The following CALN1 variants were observed in gnomAD, a reference collection of about 807,000 sequenced individuals.
The protein encoded by CALN1 is calneuron 1.
Under a neutral mutation model 30.6 loss-of-function variants are expected in CALN1, and 17 were observed. That is an observed-to-expected ratio of 0.56 (90% confidence interval 0.38 to 0.83). The LOEUF (loss-of-function observed/expected upper bound fraction) is 0.83. Ranked by LOEUF, CALN1 falls within the 40% of genes least tolerant of loss-of-function variation. The probability of loss-of-function intolerance (pLI) is 0.00; values close to 1 mark genes in which losing one functional copy is unlikely to be tolerated. For missense variants in CALN1, 291 were observed against 354.9 expected (o/e 0.82, Z 1.45); for synonymous variants, 156 against 131.4 (o/e 1.19, Z -1.28).
Position 72,396,096 on chromosome 7 carries a change from C to T in CALN1, c.119+7155G>A, listed in dbSNP as rs551652839. Among the ~76,000 whole-genome samples the T allele has an allele frequency of 3.3e-5, 5 of 151,338 alleles. No individual in the cohort carries two copies. The South Asian group carries it at 8.4e-4, about 25-fold the overall frequency. ...GGAGCAGAGGCTACATTACATGAGG[C>T]GAGATTAAGAAGGAAGTCAGGCCGG... On this transcript the variant is annotated intron_variant, in intron 2 of 6. Coordinates refer to ENST00000395275, the MANE Select transcript of CALN1 (RefSeq NM_031468.4).
intron 5 of CALN1, among the ~76,000 whole-genome samples, chr7:72,022,892 A>C (rs1266704574): frequency 6.7e-6 from 1 of 149,788 alleles, no homozygotes; most frequent in African/African-American, 2.5e-5. Flanking sequence ...TGGTGAAGGG[A>C]AAAAACAAAA....
intron 3 of CALN1, among the ~76,000 whole-genome samples, chr7:72,191,063 A>T (rs1162031333): frequency 6.6e-6 from 1 of 152,238 alleles, no homozygotes; most frequent in East Asian, 1.9e-4. Context: ...GCCAAGACGT[A>T]GTTACTGCTT....
At chr7:72,322,949 T>A (rs28639875) in intron 2 of CALN1, among the ~76,000 whole-genome samples, 3,322 of 149,814 alleles carry the variant, frequency 0.022, 108 homozygotes, top group African/African-American at 0.074. Flanking sequence ...ATCAAAAAAA[T>A]TTTTAAATAA....
At chr7:72,477,498 GCCTTGAACT>G in the CALN1 span, among the ~76,000 whole-genome samples, 1 of 152,188 alleles carries the variant, frequency 6.6e-6, no homozygotes, top group South Asian at 2.1e-4. Context: ...GCTCACTACA[GCCTTGAACT>G]CCTGGGCTCA....
Position 72,321,505 on chromosome 7 carries a change from G to A in CALN1, c.120-42695C>T, listed in dbSNP as rs976442724. ...AACGACAGGAGACAATATTTTGGGC[G>A]AAAATCGTAAACGTAATTGTTTTGC... On this transcript the variant is annotated intron_variant, in intron 2 of 6. Coordinates refer to ENST00000395275, the MANE Select transcript of CALN1 (RefSeq NM_031468.4). 5.9e-4 allele frequency among the ~76,000 whole-genome samples: 90 copies of A among 152,120 alleles called. 1 individual carries two copies. Among genetic ancestry groups the A allele is most frequent in the African/African-American group, 2.0e-3 (82 of 41,408 alleles).
At chr7:72,318,476 G>A (rs918052347) in intron 2 of CALN1, among the ~76,000 whole-genome samples, 10 of 152,156 alleles carry the variant, frequency 6.6e-5, no homozygotes, top group African/African-American at 2.4e-4. Flanking sequence ...TTGGTGTCCA[G>A]GAGTTATGAT....
At chr7:72,404,277 G>T (rs955992008) in intron 1 of CALN1, among the ~76,000 whole-genome samples, 1 of 152,172 alleles carries the variant, frequency 6.6e-6, no homozygotes, top group Admixed American at 6.5e-5. Flanking sequence ...CCCCAGGCAG[G>T]GAAGAGCTCA....
intron 3 of CALN1, among the ~76,000 whole-genome samples, chr7:72,212,572 T>A (rs1044604647): frequency 6.6e-6 from 1 of 151,276 alleles, no homozygotes; most frequent in Non-Finnish European, 1.5e-5. Flanking sequence ...GCAATCCCAG[T>A]GCTTTAGGAG....
intron 3 of CALN1, among the ~76,000 whole-genome samples, chr7:72,201,394 G>C (rs1791403886): frequency 6.6e-6 from 1 of 152,008 alleles, no homozygotes. Context: ...TTCAAGACCA[G>C]CCTGGTCAAA....
intron 4 of CALN1, among the ~76,000 whole-genome samples, chr7:72,104,681 G>C (rs370304678): frequency 6.6e-6 from 1 of 152,100 alleles, no homozygotes; most frequent in Non-Finnish European, 1.5e-5. Flanking sequence ...AATTTAGGCC[G>C]GGCGCGCTGG....
chr7:72,274,360 TAGTC>T (rs1797201447), intron 3 of CALN1, among the ~76,000 whole-genome samples: 1 of 151,894 alleles, frequency 6.6e-6, no homozygotes, highest in Non-Finnish European at 1.5e-5. Flanking sequence ...ACACAAAAAT[TAGTC>T]AGGCGTGGTG....
chr7:72,481,143 G>C, the CALN1 span, among the ~76,000 whole-genome samples: 19,426 of 152,112 alleles, frequency 0.13, 2,548 homozygotes, highest in African/African-American at 0.33. Context: ...GGTAGAGACG[G>C]GTTTTGCCAT....
chr7:72,118,654 G>A (rs984322195), intron 3 of CALN1, among the ~76,000 whole-genome samples: 9 of 152,250 alleles, frequency 5.9e-5, no homozygotes, highest in Non-Finnish European at 1.3e-4. Context: ...GATACTGAAA[G>A]CTCCAGGCAG....
At chr7:72,392,342 T>C (rs1805627208) in intron 2 of CALN1, among the ~76,000 whole-genome samples, 1 of 152,206 alleles carries the variant, frequency 6.6e-6, no homozygotes, top group Admixed American at 6.5e-5. Flanking sequence ...GTTGTTGGTT[T>C]ATCCCCCCGA....
intron 3 of CALN1, among the ~76,000 whole-genome samples, chr7:72,274,380 T>C (rs1797202621): frequency 6.6e-6 from 1 of 151,954 alleles, no homozygotes. Context: ...TGGTGGCACA[T>C]GCCTGTAATC....
At chr7:72,042,112 T>A (rs530333872) in intron 4 of CALN1, among the ~76,000 whole-genome samples, 2 of 152,218 alleles carry the variant, frequency 1.3e-5, no homozygotes, top group Non-Finnish European at 2.9e-5. Flanking sequence ...AGTAGCAACT[T>A]GGTTTGAAGG....
At chr7:72,025,847 C>T (rs1350911491) in intron 4 of CALN1, among the ~76,000 whole-genome samples, 1 of 152,108 alleles carries the variant, frequency 6.6e-6, no homozygotes, top group Non-Finnish European at 1.5e-5. Context: ...CAATGCCAAG[C>T]AGATGTGAGC....
chr7:72,094,545 T>A (rs1034017079), intron 4 of CALN1, among the ~76,000 whole-genome samples: 3 of 152,138 alleles, frequency 2.0e-5, no homozygotes, highest in African/African-American at 7.2e-5. Flanking sequence ...TGAGCCACCA[T>A]GCCTGGCCCA....
chr7:71,940,675 C>T (rs1010128023), intron 5 of CALN1, among the ~76,000 whole-genome samples: 4 of 152,156 alleles, frequency 2.6e-5, no homozygotes, highest in African/African-American at 9.7e-5. Context: ...ATGATCTCAG[C>T]TCATTGCAAC....
Sources: gnomAD v4.1 joint callset for allele counts (sites outside exome capture counted in the v4.1 genomes callset) on GRCh38, gnomAD v4.1.1 for gene constraint, MANE v1.5 for transcripts, NCBI Gene and HGNC (gene_info 2026-07-23, HGNC 2026-07-21) for gene names.